RORA: variants seen among roughly 807,000 people sequenced by gnomAD.
The protein encoded by RORA is RAR related orphan receptor A, also known as nuclear receptor ROR-alpha.
In RORA, 7 loss-of-function variants were observed where a neutral mutation model predicts 69.5. The ratio of observed to expected loss-of-function variants is 0.10; its 90% CI spans 0.06 to 0.19. The LOEUF (loss-of-function observed/expected upper bound fraction) is 0.19. Among genes scored for constraint, RORA ranks in the 10% least tolerant of loss-of-function variants. The pLI is 1.00. For missense variants in RORA, 457 were observed against 663.0 expected, an observed-to-expected ratio of 0.69 and a Z score of 3.41; for synonymous variants, 261 against 240.8, an observed-to-expected ratio of 1.08 and a Z score of -0.78.
intron 1 of RORA, among the ~76,000 whole-genome samples, chr15:60,918,100 T>G (rs960542023): frequency 4.6e-5 from 7 of 152,184 alleles, no homozygotes; most frequent in African/African-American, 1.7e-4. Flanking sequence ...TTGGCATCAC[T>G]CCCATTTTAC....
chr15:60,670,270 T>C (rs975749071), intron 2 of RORA, among the ~76,000 whole-genome samples: 3 of 151,638 alleles, frequency 2.0e-5, no homozygotes, highest in Non-Finnish European at 1.5e-5. Context: ...GGTGCAGTGC[T>C]GTGATCTCAG....
intron 1 of RORA, among the ~76,000 whole-genome samples, chr15:60,753,312 G>C (rs1400921966): frequency 6.6e-6 from 1 of 152,178 alleles, no homozygotes; most frequent in African/African-American, 2.4e-5. Context: ...TTACAGGGTG[G>C]GTGTTCACCC....
chr15:60,769,948 A>T (rs2072049227), intron 1 of RORA, among the ~76,000 whole-genome samples: 1 of 152,230 alleles, frequency 6.6e-6, no homozygotes, highest in East Asian at 1.9e-4. Flanking sequence ...AAGAACTCAC[A>T]GCTGAAGCAT....
At chr15:61,082,592 G>A (rs2078561587) in intron 1 of RORA, among the ~76,000 whole-genome samples, 1 of 152,196 alleles carries the variant, frequency 6.6e-6, no homozygotes, top group South Asian at 2.1e-4. Context: ...GGGTTCTGCA[G>A]CACCAACTTC....
chr15:60,611,995 G>A (rs1252537402), intron 2 of RORA, among the ~76,000 whole-genome samples: 1 of 152,110 alleles, frequency 6.6e-6, no homozygotes, highest in African/African-American at 2.4e-5. Context: ...CCAGCCAATG[G>A]GTGGCCTCAA....
At chr15:60,554,386 T>C (rs1280737134) in intron 2 of RORA, among the ~76,000 whole-genome samples, 5 of 152,148 alleles carry the variant, frequency 3.3e-5, no homozygotes, top group African/African-American at 7.2e-5. Flanking sequence ...TGAGATAAAA[T>C]TGCAATATTT....
intron 1 of RORA, among the ~76,000 whole-genome samples, chr15:60,714,812 A>AAATG (rs2071198772): frequency 6.6e-6 from 1 of 152,174 alleles, no homozygotes; most frequent in Non-Finnish European, 1.5e-5. Flanking sequence ...GCTGCACTTG[A>AAATG]AATGTGGTCT....
At chr15:60,642,681 G>A (rs926188556) in intron 2 of RORA, among the ~76,000 whole-genome samples, 2 of 152,026 alleles carry the variant, frequency 1.3e-5, no homozygotes, top group African/African-American at 4.8e-5. Context: ...ACTTGAGCCC[G>A]GAAGTTCAAG....
At chr15:60,759,052 T>G (rs1037455454) in intron 1 of RORA, among the ~76,000 whole-genome samples, 2 of 152,218 alleles carry the variant, frequency 1.3e-5, no homozygotes, top group African/African-American at 4.8e-5. Context: ...TACACCTTGA[T>G]TCAGTTGAAC....
intron 1 of RORA, among the ~76,000 whole-genome samples, chr15:60,767,812 T>G (rs1482834297): frequency 6.6e-6 from 1 of 152,234 alleles, no homozygotes; most frequent in African/African-American, 2.4e-5. Flanking sequence ...TCATGACCCC[T>G]GGGTCAGTTT....
In RORA at chr15:60,864,085, G is replaced by A. The variant is rs560042361; in HGVS notation, c.167-185399C>T. 1.9e-4 allele frequency among the ~76,000 whole-genome samples: 29 copies of A among 152,360 alleles called. No homozygotes were observed. In the South Asian group the frequency reaches 2.1e-3, roughly 11 times the overall value. On this transcript the variant is annotated intron_variant, in intron 1 of 10. Transcript: ENST00000335670. ...CTCCCAAAGTGCTGGGATTATAGGC[G>A]TAAGCCACTGTGCCCAGCCCTCAGA... is the stretch of plus-strand genomic sequence containing the variant.
intron 1 of RORA, among the ~76,000 whole-genome samples, chr15:60,989,293 T>C (rs1186144310): frequency 6.6e-6 from 1 of 152,228 alleles, no homozygotes; most frequent in African/African-American, 2.4e-5. Flanking sequence ...CTATTATGGA[T>C]ATACCATATA....
chr15:60,655,561 A>G (rs1183560557), intron 2 of RORA, among the ~76,000 whole-genome samples: 1 of 152,200 alleles, frequency 6.6e-6, no homozygotes, highest in Non-Finnish European at 1.5e-5. Flanking sequence ...AATGTTTGGT[A>G]TACAGTAGGC....
chr15:60,549,204 T>A (rs1401597836), intron 2 of RORA, among the ~76,000 whole-genome samples: 2 of 152,212 alleles, frequency 1.3e-5, no homozygotes, highest in Non-Finnish European at 2.9e-5. Flanking sequence ...GATATAACGT[T>A]AAAAAATAAC....
At chr15:60,716,857 G>C (rs760051318) in intron 1 of RORA, among the ~76,000 whole-genome samples, 1 of 152,182 alleles carries the variant, frequency 6.6e-6, no homozygotes, top group African/African-American at 2.4e-5. Context: ...TGGAAGCTCC[G>C]TTCCCCTTCC....
intron 2 of RORA, among the ~76,000 whole-genome samples, chr15:60,632,042 G>T (rs532514298): frequency 6.6e-6 from 1 of 152,044 alleles, no homozygotes; most frequent in African/African-American, 2.4e-5. Flanking sequence ...AGCCCCAAGA[G>T]AACCGAAAGA....
At chr15:61,101,502 T>C (rs1270876932) in intron 1 of RORA, among the ~76,000 whole-genome samples, 3 of 152,122 alleles carry the variant, frequency 2.0e-5, no homozygotes, top group African/African-American at 2.4e-5. Flanking sequence ...TAGATCAGTA[T>C]GGCTAGAATT....
intron 1 of RORA, among the ~76,000 whole-genome samples, chr15:60,766,924 C>T (rs956643415): frequency 6.6e-5 from 10 of 152,278 alleles, no homozygotes; most frequent in Non-Finnish European, 4.4e-5. Context: ...TTAACAACCA[C>T]AGCACTAGCC....
chr15:61,122,187 T>G (rs1246927200), intron 1 of RORA, among the ~76,000 whole-genome samples: 2 of 152,210 alleles, frequency 1.3e-5, no homozygotes, highest in Non-Finnish European at 2.9e-5. Context: ...GCTCTGCTGT[T>G]TGAGCTGAAA....
Sources: allele counts gnomAD v4.1 joint callset (sites outside exome capture counted in the v4.1 genomes callset), GRCh38; gene constraint gnomAD v4.1.1; transcripts MANE v1.5; gene names NCBI Gene and HGNC (gene_info 2026-07-23, HGNC 2026-07-21).